EXOC6B: variants seen among roughly 807,000 people sequenced by gnomAD.
EXOC6B encodes SEC15 homolog B.
In EXOC6B, 54 loss-of-function variants were observed where a neutral mutation model predicts 113.5. That is an observed-to-expected ratio of 0.48 (90% confidence interval 0.38 to 0.60). The LOEUF is 0.60. EXOC6B is among the 20% of genes least tolerant of loss of function. The pLI, the probability that EXOC6B is intolerant of heterozygous loss-of-function variation, is 0.00. For missense variants in EXOC6B, 797 were observed against 977.5 expected (o/e 0.82, Z 2.46); for synonymous variants, 357 against 339.0 (o/e 1.05, Z -0.58).
rs181748950 is a variant in EXOC6B at position 72,352,908 on chromosome 2, G to A, written c.2123-17888C>T. ...TTCCTGGTTTATACCCTATAAAAGC[G>A]CTCAATTAATACAGTTTACTGACGT... On this transcript the variant is annotated intron_variant, in intron 19 of 21. Coordinates refer to ENST00000272427, the MANE Select transcript of EXOC6B (RefSeq NM_015189.3). 2.0e-4 allele frequency among the ~76,000 whole-genome samples: 31 copies of A among 152,072 alleles called. 1 individual carries two copies. Among genetic ancestry groups the A allele is most frequent in the East Asian group, 1.2e-3 (6 of 5,168 alleles).
At chr2:72,682,686 G>C (rs2104550509) in intron 6 of EXOC6B, among the ~76,000 whole-genome samples, 1 of 152,254 alleles carries the variant, frequency 6.6e-6, no homozygotes, top group East Asian at 1.9e-4. Flanking sequence ...ACTGAGTATT[G>C]ATATTTAAAC....
At chr2:72,752,172 G>T (rs1047220295) in intron 1 of EXOC6B, among the ~76,000 whole-genome samples, 1 of 152,066 alleles carries the variant, frequency 6.6e-6, no homozygotes, top group African/African-American at 2.4e-5. Flanking sequence ...AATAAATGGT[G>T]TTGTCATGTA....
intron 18 of EXOC6B, among the ~76,000 whole-genome samples, chr2:72,401,482 A>G (rs1693154316): frequency 8.3e-6 from 1 of 120,512 alleles, no homozygotes; most frequent in South Asian, 2.5e-4. Context: ...AACACAGAAA[A>G]TATTTTATAT....
chr2:72,443,064 C>G (rs533225661), intron 18 of EXOC6B, among the ~76,000 whole-genome samples: 1 of 152,016 alleles, frequency 6.6e-6, no homozygotes, highest in Admixed American at 6.5e-5. Flanking sequence ...CGGTGCCTCA[C>G]GCCTGTAATC....
chr2:72,366,338 T>C (rs1396274148), intron 19 of EXOC6B, among the ~76,000 whole-genome samples: 1 of 148,758 alleles, frequency 6.7e-6, no homozygotes, highest in Non-Finnish European at 1.5e-5. Flanking sequence ...GCAGATTAGA[T>C]ACTGCAAAAG....
At chr2:72,300,044 A>G (rs1252830630) in intron 20 of EXOC6B, among the ~76,000 whole-genome samples, 1 of 152,170 alleles carries the variant, frequency 6.6e-6, no homozygotes, top group Non-Finnish European at 1.5e-5. Flanking sequence ...GCAGAGCTCA[A>G]ATGCTGTGCT....
At chr2:72,461,020 ATGCAG>A (rs771479561) in intron 18 of EXOC6B, among the ~76,000 whole-genome samples, 8 of 151,936 alleles carry the variant, frequency 5.3e-5, no homozygotes, top group Non-Finnish European at 8.8e-5. Flanking sequence ...ATAGAATACT[ATGCAG>A]CCATAAAAAA....
intron 19 of EXOC6B, among the ~76,000 whole-genome samples, chr2:72,349,660 T>C (rs757087057): frequency 2.7e-4 from 41 of 152,176 alleles, no homozygotes; most frequent in Non-Finnish European, 4.7e-4. Context: ...AAGATTGCTA[T>C]TCTCCCCACC....
chr2:72,760,719 T>C (rs1682693699), intron 1 of EXOC6B: 1 of 152,046 alleles, frequency 6.6e-6, no homozygotes, highest in Admixed American at 6.6e-5. Flanking sequence ...ACCATAAAAG[T>C]TGAGGAAAAA....
At chr2:72,797,747 G>A (rs1273131882) in intron 1 of EXOC6B, among the ~76,000 whole-genome samples, 2 of 152,278 alleles carry the variant, frequency 1.3e-5, no homozygotes, top group East Asian at 1.9e-4. Flanking sequence ...CTGGGAGGCG[G>A]AGGTTGTAAG....
chr2:72,767,528 G>C (rs1308666455), intron 1 of EXOC6B, among the ~76,000 whole-genome samples: 1 of 151,774 alleles, frequency 6.6e-6, no homozygotes, highest in Non-Finnish European at 1.5e-5. Flanking sequence ...ATTGGAACTG[G>C]GCCAGGCACA....
chr2:72,180,303 A>C (rs748005593), intron 21 of EXOC6B, among the ~76,000 whole-genome samples: 3 of 152,226 alleles, frequency 2.0e-5, no homozygotes, highest in Non-Finnish European at 4.4e-5. Flanking sequence ...CCTAACTGGG[A>C]AACATGGACA....
At chr2:72,457,073 C>G (rs1697282852) in intron 18 of EXOC6B, among the ~76,000 whole-genome samples, 1 of 150,746 alleles carries the variant, frequency 6.6e-6, no homozygotes, top group African/African-American at 2.4e-5. Flanking sequence ...AGCATTACTT[C>G]ATTATGGGAG....
chr2:72,712,419 G>A (rs1276258599), intron 6 of EXOC6B, among the ~76,000 whole-genome samples: 2 of 152,074 alleles, frequency 1.3e-5, no homozygotes, highest in African/African-American at 4.8e-5. Context: ...CTGAAATCAT[G>A]GTGTCAACCA....
chr2:72,199,485 A>G (rs1679363890), intron 20 of EXOC6B, among the ~76,000 whole-genome samples: 1 of 152,220 alleles, frequency 6.6e-6, no homozygotes, highest in Non-Finnish European at 1.5e-5. Context: ...TTATAGGCAG[A>G]GGGTAAGGCT....
At chr2:72,321,014 A>T (rs1248908627) in intron 20 of EXOC6B, among the ~76,000 whole-genome samples, 3 of 152,228 alleles carry the variant, frequency 2.0e-5, no homozygotes, top group Admixed American at 2.0e-4. Flanking sequence ...GTTAATACAG[A>T]TGAAAACCTC....
At chr2:72,658,707 T>C (rs1454933291) in intron 6 of EXOC6B, among the ~76,000 whole-genome samples, 2 of 152,116 alleles carry the variant, frequency 1.3e-5, no homozygotes, top group East Asian at 1.9e-4. Context: ...TATACTTCTA[T>C]TGAGAGTTAG....
intron 20 of EXOC6B, among the ~76,000 whole-genome samples, chr2:72,215,520 G>A (rs912845661): frequency 6.6e-6 from 1 of 152,192 alleles, no homozygotes; most frequent in East Asian, 1.9e-4. Context: ...TTCATAGGAA[G>A]TTGATTGCAG....
intron 6 of EXOC6B, among the ~76,000 whole-genome samples, chr2:72,679,315 G>A (rs955033190): frequency 2.6e-5 from 4 of 152,144 alleles, no homozygotes; most frequent in South Asian, 2.1e-4. Flanking sequence ...TGATCCACTC[G>A]CCTCAGCCTC....
Sources: allele counts gnomAD v4.1 joint callset (sites outside exome capture counted in the v4.1 genomes callset), GRCh38; gene constraint gnomAD v4.1.1; transcripts MANE v1.5; gene names NCBI Gene and HGNC (gene_info 2026-07-23, HGNC 2026-07-21).